ANKRD35: variants seen among roughly 807,000 people sequenced by gnomAD.
The protein encoded by ANKRD35 is ankyrin repeat domain 35.
Under a neutral mutation model 109.9 loss-of-function variants are expected in ANKRD35, and 102 were observed. That is an observed-to-expected ratio of 0.93 (90% CI 0.79 to 1.09). The LOEUF (loss-of-function observed/expected upper bound fraction) is 1.09. Among genes scored for constraint, ANKRD35 ranks in the 50% least tolerant of loss-of-function variants. ANKRD35 has a pLI of 0.00. For missense variants in ANKRD35, 1,240 were observed against 1,230.1 expected (o/e 1.01, Z -0.12); for synonymous variants, 515 against 512.4 (o/e 1.01, Z -0.07).
Position 145,879,348 on chromosome 1 carries a change from G to A in ANKRD35, c.80C>T (p.Ala27Val). The change falls in exon 2 of 14, where the codon GCA becomes GTA. Residue 27 changes from alanine to valine, a missense_variant. Transcript: ENST00000355594. ...GCGTCCCACATCCCCCCTGTGCACTGCCTCCAGCAGCTTCTGATCATGGCG... is the reference window on the plus strand; with the variant it reads ...GCGTCCCACATCCCCCCTGTGCACTACCTCCAGCAGCTTCTGATCATGGCG... ...WNRHDQKLLE[A>V]VHRGDVGRVA... The A allele has an allele frequency of 1.2e-6, 2 of 1,601,798 alleles. No individual in the cohort carries two copies. The highest frequency in any genetic ancestry group is 1.7e-6 in the Non-Finnish European group (2 of 1,174,508).
Position 145,873,053 on chromosome 1 carries a change from C to A in ANKRD35, c.1716G>T (p.Lys572Asn). ...PSQESREGAL[K>N]AAPGSIKQDE... is the part of the protein sequence containing the mutation. ...CCTGTTTGATGCTCCCTGGGGCTGCCTTTAGGGCTCCCTCTCTGGACTCCT... is the reference window on the plus strand; with the variant it reads ...CCTGTTTGATGCTCCCTGGGGCTGCATTTAGGGCTCCCTCTCTGGACTCCT... Residue 572 changes from lysine (K) to asparagine (N), a missense_variant, in exon 10 of 14, where the codon AAG becomes AAT. Physicochemically the swap from Lys to Asn is moderately conservative, Grantham distance 94 (BLOSUM62 0). Coordinates refer to ENST00000355594, the MANE Select transcript of ANKRD35 (RefSeq NM_144698.5). 6.2e-7 allele frequency: 1 copy of A among 1,611,612 alleles called. No homozygotes were observed. The highest frequency in any genetic ancestry group is 2.2e-5 in the East Asian group (1 of 44,854).
chr1:145,870,367 C>CA (rs1559171473), intron 10 of ANKRD35, among the ~76,000 whole-genome samples: 1 of 152,140 alleles, frequency 6.6e-6, no homozygotes, highest in East Asian at 1.9e-4. Flanking sequence ...GCTGGGATTA[C>CA]AGTCATGAGC....
intron 7 of ANKRD35, among the ~76,000 whole-genome samples, 179 bp downstream of exon 7, chr1:145,875,961 G>A (rs1387422485): frequency 6.6e-6 from 1 of 152,154 alleles, no homozygotes; most frequent in Non-Finnish European, 1.5e-5. Flanking sequence ...AGATGGTGGT[G>A]GCAGCAGGCA....
At chr1:145,874,091 A>G (rs1653968002) in intron 9 of ANKRD35, 64 bp downstream of exon 9, 1 of 1,609,366 alleles carries the variant, frequency 6.2e-7, no homozygotes, top group Non-Finnish European at 8.5e-7. Context: ...ACCACTAGGA[A>G]TAGTCACAGT....
chr1:145,872,664 C>T lies in ANKRD35; in HGVS notation c.2105G>A (p.Arg702Gln). 6.2e-7 allele frequency: 1 copy of T among 1,614,110 alleles called. No individual in the cohort carries two copies. Among genetic ancestry groups the T allele is most frequent in the Non-Finnish European group, 8.5e-7 (1 of 1,180,006 alleles). Residue 702 changes from arginine to glutamine, a missense_variant, in exon 10 of 14, where the codon CGA becomes CAA. By Grantham distance (43) the Arg-to-Gln change is conservative. Transcript: ENST00000355594. ...KLLASQSSGLRGLWDCLPADL... is the reference protein window; with the variant it reads ...KLLASQSSGLQGLWDCLPADL... The stretch of plus-strand genomic sequence containing the variant: ...TGCGGGCAGGCAGTCCCACAGCCCT[C>T]GGAGACCGCTGCTCTGGGAGGCCAG...
rs782560425 is a variant in ANKRD35 at position 145,879,391 on chromosome 1, G to A, written c.40-3C>T. 2.6e-6 allele frequency: 4 copies of A among 1,560,788 alleles called. No homozygotes were observed. The highest frequency in any genetic ancestry group is 1.7e-4 in the Middle Eastern group (1 of 5,868). On this transcript the variant is annotated splice_polypyrimidine_tract_variant and splice_region_variant and intron_variant, in intron 1 of 13. Coordinates refer to ENST00000355594, the MANE Select transcript of ANKRD35 (RefSeq NM_144698.5). The stretch of plus-strand genomic sequence containing the variant: ...TCATGGCGGTTCCATCTCTCCACCT[G>A]GTCCAGAGCCACAGGTTGTGTGAAT...
intron 10 of ANKRD35, among the ~76,000 whole-genome samples, chr1:145,869,677 C>T (rs944054757): frequency 1.3e-5 from 2 of 152,108 alleles, no homozygotes; most frequent in African/African-American, 4.8e-5. Context: ...CCATGTTGTC[C>T]AGGCTGGTCT....
chr1:145,879,284 G>T lies in ANKRD35; in HGVS notation c.144C>A (p.Thr48=). The change falls in exon 2 of 14, where the codon ACC becomes ACA. Residue 48 remains threonine, a synonymous_variant. Coordinates refer to ENST00000355594, the MANE Select transcript of ANKRD35 (RefSeq NM_144698.5). ...GGGACTGGCCATTCGAGTCAAGCTTGGTGGGTCGGGCAGATTTCCTGGAGG... is the reference window on the plus strand; with the variant it reads ...GGGACTGGCCATTCGAGTCAAGCTTTGTGGGTCGGGCAGATTTCCTGGAGG... ...ALASRKSARP[T]KLDSNGQSPF... 1.2e-6 allele frequency: 2 copies of T among 1,611,082 alleles called. No individual in the cohort carries two copies. Among genetic ancestry groups the T allele is most frequent in the African/African-American group, 2.7e-5 (2 of 74,804 alleles).
intron 2 of ANKRD35, 115 bp from the exon 3 acceptor site, chr1:145,878,594 A>G: frequency 1.1e-6 from 1 of 932,478 alleles, no homozygotes; most frequent in South Asian, 1.6e-5. Flanking sequence ...TCCTAAAAGC[A>G]GGAAAAGAAG....
At position 145,873,287 on chromosome 1, in the gene ANKRD35, T is replaced by C. The variant is rs373407243; in HGVS notation, c.1482A>G (p.Gln494=). ...GPAAMNQLLL[Q]LREELAAVWR... is the part of the protein sequence containing the mutation. ...ACACTGCAGCAAGCTCCTCCCTTAG[T>C]TGAAGCAGAAGCTGGTTCATGGCTG... Residue 494 remains glutamine (Q), a synonymous_variant, in exon 10 of 14, where the codon CAA becomes CAG. Coordinates refer to ENST00000355594, the MANE Select transcript of ANKRD35 (RefSeq NM_144698.5). 10 of 1,614,058 alleles carry C rather than the reference T, an allele frequency of 6.2e-6. No individual in the cohort carries two copies. The highest frequency in any genetic ancestry group is 1.6e-4 in the Middle Eastern group (1 of 6,084).
At chr1:145,881,059 G>A (rs1654268021) in intron 1 of ANKRD35, among the ~76,000 whole-genome samples, 1 of 152,212 alleles carries the variant, frequency 6.6e-6, no homozygotes, top group African/African-American at 2.4e-5. Context: ...GCCAAGACGG[G>A]TGGATCACCT....
At position 145,876,203 on chromosome 1, in the gene ANKRD35, G is replaced by A. The variant is rs1553740043; in HGVS notation, c.497C>T (p.Ala166Val). Residue 166 changes from alanine to valine, a missense_variant, in exon 7 of 14, where the codon GCA becomes GTA. Physicochemically the swap from Ala to Val is moderately conservative, Grantham distance 64. Transcript: ENST00000355594. ...CTGCAGCAGCTGTGAGCAGATAGCT[G>A]CGTGCCCACCCAGCGATGCGATCAT... Reference protein sequence around the residue: ...PLMIASLGGHAAICSQLLQRG... With the variant: ...PLMIASLGGHVAICSQLLQRG... The A allele has an allele frequency of 1.2e-6, 2 of 1,613,946 alleles. No individual in the cohort carries two copies. Among genetic ancestry groups the A allele is most frequent in the Non-Finnish European group, 1.7e-6 (2 of 1,179,996 alleles).
intron 10 of ANKRD35, among the ~76,000 whole-genome samples, chr1:145,870,090 ATT>A (rs35685393): frequency 1.0e-4 from 14 of 138,574 alleles, no homozygotes; most frequent in Non-Finnish European, 1.1e-4. Flanking sequence ...AGAGTTCCAA[ATT>A]TTTTTTTTTT....
At chr1:145,879,938 T>C (rs782040897) in intron 1 of ANKRD35, among the ~76,000 whole-genome samples, 1 of 152,224 alleles carries the variant, frequency 6.6e-6, no homozygotes, top group South Asian at 2.1e-4. Context: ...CCTCTTTTCA[T>C]TGGCTTTGGG....
chr1:145,870,164 C>T (rs905618920), intron 10 of ANKRD35, among the ~76,000 whole-genome samples: 5 of 149,936 alleles, frequency 3.3e-5, no homozygotes, highest in Non-Finnish European at 7.4e-5. Flanking sequence ...GATCTCAGCT[C>T]ACTGCAAGCT....
rs782103874 is a variant in ANKRD35 at position 145,875,025 on chromosome 1, C to T, written c.561-19G>A. The stretch of plus-strand genomic sequence containing the variant: ...AGCCGATCTGTGGGTTGAGACAAAT[C>T]TGAGCACAGACTTTCCACATGGAAC... On this transcript the variant is annotated intron_variant, in intron 7 of 13. Coordinates refer to ENST00000355594, the MANE Select transcript of ANKRD35 (RefSeq NM_144698.5). The T allele has an allele frequency of 8.9e-6, 14 of 1,575,842 alleles. No individual in the cohort carries two copies. In the East Asian group the frequency reaches 2.5e-4, roughly 28 times the overall value.
Position 145,871,848 on chromosome 1 carries a change from C to A in ANKRD35, c.2787+134G>T, listed in dbSNP as rs587751495. 549 of 1,169,722 alleles carry A rather than the reference C, an allele frequency of 4.7e-4. 1 individual carries two copies. The highest frequency in any genetic ancestry group is 5.6e-4 in the Non-Finnish European group (470 of 839,164). 72.5% of individuals were successfully genotyped at this position (1,169,722 alleles called of 1,614,324 possible). The stretch of plus-strand genomic sequence containing the variant: ...CGAGAACATAGTAGTGTGGTCCCTG[C>A]AAAGGACTGGTGCTCCGTTTGGGGT... On this transcript the variant is annotated intron_variant, in intron 10 of 13. Transcript: ENST00000355594.
At chr1:145,869,347 A>G (rs1553738235) in intron 10 of ANKRD35, among the ~76,000 whole-genome samples, 3 of 151,826 alleles carry the variant, frequency 2.0e-5, no homozygotes. Context: ...ACACTCAGAT[A>G]ATTTTTGTAT....
chr1:145,876,654 T>G lies in ANKRD35; in HGVS notation c.383-15A>C, dbSNP rs1654087726. On this transcript the variant is annotated splice_polypyrimidine_tract_variant and intron_variant, in intron 5 of 13. Transcript: ENST00000355594. ...GCCAGAGGAGGCTGGGGAGAAGATGTTTGGGTTAAGGGGAAGCATGAAGAA... is the reference window on the plus strand; with the variant it reads ...GCCAGAGGAGGCTGGGGAGAAGATGGTTGGGTTAAGGGGAAGCATGAAGAA... The G allele has an allele frequency of 6.2e-7, 1 of 1,613,910 alleles. No homozygotes were observed. The highest frequency in any genetic ancestry group is 8.5e-7 in the Non-Finnish European group (1 of 1,180,014).
Sources: allele counts gnomAD v4.1 joint callset (sites outside exome capture counted in the v4.1 genomes callset), GRCh38; gene constraint gnomAD v4.1.1; transcripts MANE v1.5; gene names NCBI Gene and HGNC (gene_info 2026-07-23, HGNC 2026-07-21).